The following ALG9 variants were observed in gnomAD, a reference collection of about 807,000 sequenced individuals.
The protein encoded by ALG9 is alpha-1,2-mannosyltransferase ALG9.
Under a neutral mutation model 81.8 loss-of-function variants are expected in ALG9, and 55 were observed. The ratio of observed to expected loss-of-function variants is 0.67; its 90% CI spans 0.54 to 0.84. ALG9 has a LOEUF of 0.84. Ranked by LOEUF, ALG9 falls within the 40% of genes least tolerant of loss-of-function variation. ALG9 has a pLI of 0.00. For synonymous variants in ALG9, 278 were observed against 274.3 expected, an observed-to-expected ratio of 1.01 and a Z score of -0.13; for missense variants, 629 against 745.0, an observed-to-expected ratio of 0.84 and a Z score of 1.81.
rs1168569344 is a variant in ALG9, at chr11:111,853,810, T to C, written c.702-74A>G. 6.2e-6 allele frequency: 8 copies of C among 1,297,724 alleles called. No homozygotes were observed. In the South Asian group the frequency reaches 7.2e-5, roughly 12 times the overall value. 80.4% of individuals were successfully genotyped at this position (1,297,724 alleles called of 1,614,324 possible). On this transcript the variant is annotated intron_variant, in intron 6 of 14. Coordinates refer to ENST00000616540, the MANE Select transcript of ALG9 (RefSeq NM_024740.2). The stretch of plus-strand genomic sequence containing the variant: ...ACAAATCAGATTCACACATACCTCA[T>C]GCTGAACTGAGAATAAAATGCCTCT...
intron 13 of ALG9, among the ~76,000 whole-genome samples, chr11:111,813,623 A>G (rs1267966335): frequency 6.6e-6 from 1 of 152,236 alleles, no homozygotes; most frequent in Non-Finnish European, 1.5e-5. Context: ...TCAAGGATTC[A>G]TATCTAGAAT....
At chr11:111,862,035 T>C (rs1555148400) in intron 4 of ALG9, among the ~76,000 whole-genome samples, 2 of 152,158 alleles carry the variant, frequency 1.3e-5, no homozygotes, top group Admixed American at 6.6e-5. Context: ...ACAGTTTCAC[T>C]ACACTAATTT....
At chr11:111,853,938 G>C (rs1555141365) in intron 6 of ALG9, among the ~76,000 whole-genome samples, 1 of 152,088 alleles carries the variant, frequency 6.6e-6, no homozygotes, top group Non-Finnish European at 1.5e-5. Context: ...TAGAATTACT[G>C]AGCTGCTGGA....
At position 111,871,437 on chromosome 11, in the gene ALG9, T is replaced by C. The variant is rs1416839488; in HGVS notation, c.46A>G (p.Ser16Gly). 2 of 1,536,404 alleles carry C rather than the reference T, an allele frequency of 1.3e-6. No individual in the cohort carries two copies. The highest frequency in any genetic ancestry group is 1.7e-6 in the Non-Finnish European group (2 of 1,146,692). ...GCAGCCGGGGCCGTATCCCCACTGCTGGCCCCGCTGCCCTTCAGGCGCTGC... is the reference window on the plus strand; with the variant it reads ...GCAGCCGGGGCCGTATCCCCACTGCCGGCCCCGCTGCCCTTCAGGCGCTGC... ...ARQRLKGSGA[S>G]SGDTAPAADK... Residue 16 changes from serine (S) to glycine (G), a missense_variant, in exon 1 of 15, where the codon AGC becomes GGC. Ser to Gly is a moderately conservative substitution (Grantham distance 56). Coordinates refer to ENST00000616540, the MANE Select transcript of ALG9 (RefSeq NM_024740.2).
intron 14 of ALG9, among the ~76,000 whole-genome samples, chr11:111,805,655 G>T (rs943712902): frequency 6.6e-6 from 1 of 152,200 alleles, no homozygotes; most frequent in Admixed American, 6.5e-5. Flanking sequence ...GGAATGTAGT[G>T]GGGGAGAATA....
Position 111,816,116 on chromosome 11 carries a change from T to TG in ALG9, c.1603-6344dup, listed in dbSNP as rs546449937. Among the ~76,000 whole-genome samples, 512 of 152,338 alleles carry TG rather than the reference T, an allele frequency of 3.4e-3. 5 individuals are homozygous for TG. Among genetic ancestry groups the TG allele is most frequent in the African/African-American group, 0.011 (466 of 41,586 alleles). On this transcript the variant is annotated intron_variant, in intron 13 of 14. Transcript: ENST00000616540. ...CAATTTAGTAGTTTTGATTAGTTGT[T>TG]GGGCACTATGATTTTACACTTTTGA... is the stretch of plus-strand genomic sequence containing the variant.
chr11:111,820,008 A>G (rs549287783), intron 13 of ALG9, among the ~76,000 whole-genome samples: 56 of 152,334 alleles, frequency 3.7e-4, no homozygotes, highest in Admixed American at 2.4e-3. Context: ...TAGCCCCTGG[A>G]GGACAATCTA....
chr11:111,812,914 T>TTAAAAA (rs782815590), intron 13 of ALG9, among the ~76,000 whole-genome samples: 1 of 15,356 alleles, frequency 6.5e-5, no homozygotes, highest in Non-Finnish European at 9.6e-5. Flanking sequence ...AGACTCTGTC[T>TTAAAAA]CAAAAAAAAA....
At position 111,857,652 on chromosome 11, in the gene ALG9, C is replaced by T. The variant is rs377410620; in HGVS notation, c.651G>A (p.Leu217=). Reference sequence around the variant, plus strand: ...CTAAGATAGCCCCAGCTGCTACTCCCAGCACAGCAATGGAAGTCTTGTCCA... The same window carrying T: ...CTAAGATAGCCCCAGCTGCTACTCCTAGCACAGCAATGGAAGTCTTGTCCA... ...WYMDKTSIAV[L]GVAAGAILGW... Residue 217 remains leucine (L), a synonymous_variant, in exon 6 of 15, where the codon CTG becomes CTA. Coordinates refer to ENST00000616540, the MANE Select transcript of ALG9 (RefSeq NM_024740.2). The T allele has an allele frequency of 3.2e-5, 52 of 1,614,060 alleles. No homozygotes were observed. In the African/African-American group the frequency reaches 6.5e-4, roughly 20 times the overall value.
chr11:111,787,275 A>G (rs1946618690), intron 14 of ALG9, among the ~76,000 whole-genome samples: 1 of 151,752 alleles, frequency 6.6e-6, no homozygotes, highest in Non-Finnish European at 1.5e-5. Context: ...TATTAAAAAT[A>G]CAAAAAAATT....
intron 14 of ALG9, among the ~76,000 whole-genome samples, chr11:111,806,496 G>A (rs76290058): frequency 3.3e-5 from 5 of 152,004 alleles, no homozygotes; most frequent in Admixed American, 6.6e-5. Flanking sequence ...CCTTAGCTTC[G>A]AGGGTACTCT....
chr11:111,869,047 G>T (rs1466532767), intron 2 of ALG9, among the ~76,000 whole-genome samples: 1 of 152,070 alleles, frequency 6.6e-6, no homozygotes, highest in Non-Finnish European at 1.5e-5. Flanking sequence ...ACTTGAGCCT[G>T]GGAATTAGAG....
chr11:111,857,611 G>A lies in ALG9; in HGVS notation c.692C>T (p.Ala231Val). The A allele has an allele frequency of 6.2e-7, 1 of 1,614,126 alleles. No homozygotes were observed. ...AGAILGWPFS[A>V]ALGLPIAFDL... ...ACTGTTAGTTTCTTACCCAAGAGCT[G>A]CACTGAATGGCCAGCCTAAGATAGC... The change falls in exon 6 of 15, where the codon GCA becomes GTA. Residue 231 changes from alanine to valine, a missense_variant. By Grantham distance (64) the Ala-to-Val change is moderately conservative. Transcript: ENST00000616540.
Position 111,870,420 on chromosome 11 carries a change from C to T in ALG9, c.132-50G>A, listed in dbSNP as rs76750785. The T allele has an allele frequency of 2.0e-3, 2,906 of 1,485,418 alleles. 81 individuals are homozygous for T. In the East Asian group the frequency reaches 0.054, roughly 28 times the overall value. 92.0% of individuals were successfully genotyped at this position (1,485,418 alleles called of 1,614,324 possible). A position where few individuals can be genotyped will look rare whatever the true frequency, so the allele number is the denominator to read the frequency against. ...AAAAAAAAAAGCATGTCAGGAAGGA[C>T]CTGCTAATCAGAAGACCTAAATCTA... On this transcript the variant is annotated intron_variant, in intron 1 of 14. Transcript: ENST00000616540.
chr11:111,806,687 C>CAAT (rs1394202697), intron 14 of ALG9, among the ~76,000 whole-genome samples: 2 of 152,190 alleles, frequency 1.3e-5, no homozygotes, highest in Admixed American at 1.3e-4. Context: ...ATCTAAATGC[C>CAAT]AATAGTTCTA....
At chr11:111,796,948 A>G (rs1948382363) in intron 14 of ALG9, among the ~76,000 whole-genome samples, 1 of 152,202 alleles carries the variant, frequency 6.6e-6, no homozygotes, top group African/African-American at 2.4e-5. Context: ...CATCGGGTGG[A>G]GTCTCTCCTT....
intron 13 of ALG9, 70 bp from the exon 14 acceptor site, chr11:111,809,843 G>T (rs1219907493): frequency 2.6e-6 from 4 of 1,565,238 alleles, no homozygotes; most frequent in Admixed American, 3.3e-5. Context: ...AACAGCAATT[G>T]CAATCCTAAA....
At chr11:111,797,267 A>G (rs1948438319) in intron 14 of ALG9, among the ~76,000 whole-genome samples, 1 of 152,240 alleles carries the variant, frequency 6.6e-6, no homozygotes, top group South Asian at 2.1e-4. Context: ...GTCATAAAAA[A>G]TTATGCAGGT....
chr11:111,802,787 C>A (rs782022561), intron 14 of ALG9, among the ~76,000 whole-genome samples: 1 of 152,178 alleles, frequency 6.6e-6, no homozygotes, highest in Non-Finnish European at 1.5e-5. Context: ...AAGGCTCCAA[C>A]GGATTCTGGA....
Sources: gnomAD v4.1 joint callset for allele counts (sites outside exome capture counted in the v4.1 genomes callset) on GRCh38, gnomAD v4.1.1 for gene constraint, MANE v1.5 for transcripts, NCBI Gene and HGNC (gene_info 2026-07-23, HGNC 2026-07-21) for gene names.